Variants in OSBPL6 observed in about 807,000 individuals in gnomAD.
The protein encoded by OSBPL6 is oxysterol binding protein like 6, also known as oxysterol-binding protein-related protein 6.
In OSBPL6, 49 loss-of-function variants were observed where a neutral mutation model predicts 125.8. That is an observed-to-expected ratio of 0.39 (90% CI 0.31 to 0.49). OSBPL6 has a LOEUF of 0.49. Among genes scored for constraint, OSBPL6 ranks in the 20% least tolerant of loss-of-function variants. The pLI is 0.88. For missense variants in OSBPL6, 986 were observed against 1,135.4 expected, an observed-to-expected ratio of 0.87 and a Z score of 1.89; for synonymous variants, 394 against 391.8, an observed-to-expected ratio of 1.01 and a Z score of -0.07.
Position 178,320,467 on chromosome 2 carries a change from A to G in OSBPL6, c.103-3710A>G, listed in dbSNP as rs376688497. The G allele has an allele frequency of 2.7e-6, 4 of 1,504,912 alleles. No homozygotes were observed. The South Asian group carries it at 3.6e-5, about 13-fold the overall frequency. 93.2% of individuals were successfully genotyped at this position (1,504,912 alleles called of 1,614,324 possible). ...AAAAAACTGACCTGGAAATTAACTT[A>G]TAATTTTAGCATTTGAGAGGAAACT... On this transcript the variant is annotated intron_variant, in intron 3 of 24. Coordinates refer to ENST00000190611, the MANE Select transcript of OSBPL6 (RefSeq NM_032523.4).
chr2:178,261,393 GA>G lies in OSBPL6; in HGVS notation c.-350-23519del, dbSNP rs778259031. On this transcript the variant is annotated intron_variant, in intron 1 of 24. Transcript: ENST00000190611. ...GTTACTCCTCAGGAACATTATAATTGAAAAAAAAAAAAAAACAAGGAAGAAA... is the reference window on the plus strand; with the variant it reads ...GTTACTCCTCAGGAACATTATAATTGAAAAAAAAAAAAAACAAGGAAGAAA... Among the ~76,000 whole-genome samples, 958 of 102,288 alleles carry G rather than the reference GA, an allele frequency of 9.4e-3. 6 individuals are homozygous for G. The highest frequency in any genetic ancestry group is 0.018 in the African/African-American group (584 of 31,606). The allele number at this position is 102,288 out of a possible 152,430, so 67.1% of individuals were successfully genotyped here. A position where few individuals can be genotyped will look rare whatever the true frequency, so the allele number is the denominator to read the frequency against.
chr2:178,276,349 G>A (rs2092468093), intron 1 of OSBPL6, among the ~76,000 whole-genome samples: 1 of 149,732 alleles, frequency 6.7e-6, no homozygotes, highest in African/African-American at 2.5e-5. Context: ...TTTCTACTTA[G>A]AATATTTAAA....
At chr2:178,368,704 T>C (rs1397901331) in intron 13 of OSBPL6, among the ~76,000 whole-genome samples, 1 of 151,276 alleles carries the variant, frequency 6.6e-6, no homozygotes, top group Non-Finnish European at 1.5e-5. Flanking sequence ...AAAAAAAAAA[T>C]AGTTTTGAAG....
chr2:178,229,889 G>T (rs912672970), intron 1 of OSBPL6, among the ~76,000 whole-genome samples: 2 of 152,192 alleles, frequency 1.3e-5, no homozygotes, highest in Non-Finnish European at 2.9e-5. Flanking sequence ...AGACACTCTG[G>T]ATGTGGGCCC....
intron 1 of OSBPL6, among the ~76,000 whole-genome samples, chr2:178,212,964 C>T (rs1231873868): frequency 7.9e-5 from 12 of 152,166 alleles, no homozygotes; most frequent in Non-Finnish European, 4.4e-5. Flanking sequence ...CACACCACCA[C>T]ACTCGGCTAA....
chr2:178,386,279 C>T (rs728005), intron 19 of OSBPL6, among the ~76,000 whole-genome samples: 61,487 of 151,900 alleles, frequency 0.4, 13,651 homozygotes, highest in East Asian at 0.8. Flanking sequence ...GGAGATGGCA[C>T]GAAGTTCCCA....
At chr2:178,223,490 A>G (rs554836396) in intron 1 of OSBPL6, among the ~76,000 whole-genome samples, 9 of 152,340 alleles carry the variant, frequency 5.9e-5, no homozygotes, top group East Asian at 5.8e-4. Context: ...GGGTATATGT[A>G]TATCTTTCGA....
intron 19 of OSBPL6, among the ~76,000 whole-genome samples, chr2:178,386,229 A>G (rs1386364775): frequency 6.6e-6 from 1 of 152,230 alleles, no homozygotes. Flanking sequence ...AAAAGATGAC[A>G]GATCATTTCT....
At chr2:178,336,782 C>G (rs370403675) in intron 9 of OSBPL6, among the ~76,000 whole-genome samples, 5 of 152,236 alleles carry the variant, frequency 3.3e-5, no homozygotes, top group African/African-American at 7.2e-5. Context: ...AGGAGTAACC[C>G]CCAAGGAGAG....
intron 1 of OSBPL6, among the ~76,000 whole-genome samples, chr2:178,197,729 C>T (rs1044134644): frequency 6.6e-6 from 1 of 151,704 alleles, no homozygotes; most frequent in African/African-American, 2.4e-5. Flanking sequence ...TTCTCAGAAC[C>T]AGATTGACCA....
intron 11 of OSBPL6, among the ~76,000 whole-genome samples, chr2:178,343,711 A>G (rs1690433047): frequency 6.6e-6 from 1 of 151,938 alleles, no homozygotes; most frequent in Admixed American, 6.6e-5. Flanking sequence ...AAATCCCAGC[A>G]CTCTTACTGA....
At chr2:178,194,113 G>C (rs2088686259), upstream of OSBPL6, among the ~76,000 whole-genome samples, 1 of 152,206 alleles carries the variant, frequency 6.6e-6, no homozygotes, top group Non-Finnish European at 1.5e-5. Context: ...TCCCGAGCGC[G>C]GCCGGCTCAC....
intron 1 of OSBPL6, among the ~76,000 whole-genome samples, chr2:178,239,831 G>A (rs1043073267): frequency 1.3e-5 from 2 of 151,542 alleles, no homozygotes; most frequent in Non-Finnish European, 2.9e-5. Flanking sequence ...GTTTCACTGT[G>A]TTAGTCAGGA....
At chr2:178,335,264 G>A (rs193287985) in intron 8 of OSBPL6, among the ~76,000 whole-genome samples, 8 of 151,884 alleles carry the variant, frequency 5.3e-5, no homozygotes, top group Non-Finnish European at 8.8e-5. Context: ...TAAATAACTT[G>A]GGTGATATCT....
At chr2:178,362,736 G>A (rs1158783545) in intron 13 of OSBPL6, among the ~76,000 whole-genome samples, 1 of 152,064 alleles carries the variant, frequency 6.6e-6, no homozygotes, top group Admixed American at 6.6e-5. Context: ...AACTGTCGGC[G>A]TATTTTCAGT....
At chr2:178,380,073 GAAA>G (rs979604739) in intron 15 of OSBPL6, among the ~76,000 whole-genome samples, 3 of 152,062 alleles carry the variant, frequency 2.0e-5, no homozygotes, top group African/African-American at 7.2e-5. Flanking sequence ...TGCAAGTTAA[GAAA>G]AATGTAATCT....
chr2:178,221,520 T>G (rs2090340439), intron 1 of OSBPL6, among the ~76,000 whole-genome samples: 4 of 152,230 alleles, frequency 2.6e-5, no homozygotes, highest in African/African-American at 9.6e-5. Flanking sequence ...CTAAGATAAT[T>G]ATTTGATCAG....
chr2:178,229,588 G>C (rs531395956), intron 1 of OSBPL6, among the ~76,000 whole-genome samples: 1 of 152,288 alleles, frequency 6.6e-6, no homozygotes, highest in East Asian at 1.9e-4. Flanking sequence ...CCAGCACTTT[G>C]GGAGGCCAAG....
At chr2:178,382,735 C>A (rs1392986599) in intron 16 of OSBPL6, 8 of 1,440,764 alleles carry the variant, frequency 5.6e-6, no homozygotes, top group Non-Finnish European at 7.3e-6. Flanking sequence ...TTTCTCAAAC[C>A]AACAGCTTGA....
Sources: allele counts gnomAD v4.1 joint callset (sites outside exome capture counted in the v4.1 genomes callset), GRCh38; gene constraint gnomAD v4.1.1; transcripts MANE v1.5; gene names NCBI Gene and HGNC (gene_info 2026-07-23, HGNC 2026-07-21).